Variants in CCSER1 observed in about 807,000 individuals in gnomAD.
The protein encoded by CCSER1 is coiled-coil serine rich protein 1, also known as serine-rich coiled-coil domain-containing protein 1.
In CCSER1, 41 loss-of-function variants were observed where a neutral mutation model predicts 82.0. That is an observed-to-expected ratio of 0.50 (90% CI 0.39 to 0.65). The LOEUF is 0.65. Among genes scored for constraint, CCSER1 ranks in the 30% least tolerant of loss-of-function variants. The probability of loss-of-function intolerance (pLI) is 0.00; values close to 1 mark genes in which losing one functional copy is unlikely to be tolerated. For missense variants in CCSER1, 1,119 were observed against 1,064.2 expected, an observed-to-expected ratio of 1.05 and a Z score of -0.72; for synonymous variants, 414 against 383.9, an observed-to-expected ratio of 1.08 and a Z score of -0.92.
chr4:91,260,905 C>A (rs541639425), intron 10 of CCSER1, among the ~76,000 whole-genome samples: 1 of 152,044 alleles, frequency 6.6e-6, no homozygotes, highest in Non-Finnish European at 1.5e-5. Flanking sequence ...GGACTACAGG[C>A]GCCCGCTACC....
intron 9 of CCSER1, among the ~76,000 whole-genome samples, chr4:90,950,531 CACACACAT>C (rs1444618558): frequency 2.0e-5 from 3 of 149,652 alleles, no homozygotes; most frequent in African/African-American, 4.9e-5. Flanking sequence ...CGCGTGCACA[CACACACAT>C]ACACACACGT....
chr4:90,892,053 T>A (rs932074827), intron 8 of CCSER1, among the ~76,000 whole-genome samples: 5 of 152,104 alleles, frequency 3.3e-5, no homozygotes, highest in Non-Finnish European at 7.4e-5. Context: ...TTTATTAATG[T>A]GCATCATCCA....
At chr4:90,546,413 A>G (rs1347982636) in intron 5 of CCSER1, among the ~76,000 whole-genome samples, 4 of 152,124 alleles carry the variant, frequency 2.6e-5, no homozygotes, top group Non-Finnish European at 5.9e-5. Flanking sequence ...TGTGCAGTTG[A>G]TATTTCATAG....
chr4:90,135,965 A>G (rs1723625992), intron 1 of CCSER1, among the ~76,000 whole-genome samples: 1 of 152,222 alleles, frequency 6.6e-6, no homozygotes. Context: ...ATGTGTGTAC[A>G]AATATATGCA....
chr4:90,618,502 G>A (rs1000279737), intron 5 of CCSER1, among the ~76,000 whole-genome samples: 1 of 151,676 alleles, frequency 6.6e-6, no homozygotes, highest in East Asian at 1.9e-4. Flanking sequence ...TAAAAATTTT[G>A]CATACTAGCT....
chr4:90,710,118 G>C (rs1184182051), intron 6 of CCSER1, among the ~76,000 whole-genome samples: 1 of 151,734 alleles, frequency 6.6e-6, no homozygotes, highest in African/African-American at 2.4e-5. Context: ...TCCTTTGCCT[G>C]CTTTTTAATG....
chr4:90,912,077 A>G (rs1271870342), intron 8 of CCSER1, among the ~76,000 whole-genome samples: 1 of 152,222 alleles, frequency 6.6e-6, no homozygotes, highest in African/African-American at 2.4e-5. Flanking sequence ...AACAAAAGGC[A>G]GCAGAAACCT....
intron 10 of CCSER1, among the ~76,000 whole-genome samples, chr4:91,536,073 G>A (rs1029679721): frequency 6.6e-6 from 1 of 151,956 alleles, no homozygotes; most frequent in East Asian, 1.9e-4. Context: ...TTTTCAGAAG[G>A]ATCACAGTTT....
At chr4:91,266,259 G>T (rs990076820) in intron 10 of CCSER1, among the ~76,000 whole-genome samples, 2 of 147,230 alleles carry the variant, frequency 1.4e-5, no homozygotes, top group South Asian at 2.2e-4. Context: ...GGTTTGTTTT[G>T]TTTTTTTTTT....
Position 90,313,026 on chromosome 4 carries a change from A to G in CCSER1, c.1488A>G (p.Ser496=). ...TAAGAAAGCAAAGAGCAGGTTCTTCATCTTCAAAAATGAACAGTTTGGTAA... is the reference window on the plus strand; with the variant it reads ...TAAGAAAGCAAAGAGCAGGTTCTTCGTCTTCAAAAATGAACAGTTTGGTAA... ...NSLRKQRAGS[S]SSKMNSLDVL... The change falls in exon 3 of 11, where the codon TCA becomes TCG. Residue 496 remains serine (S), a synonymous_variant. Coordinates refer to ENST00000509176, the MANE Select transcript of CCSER1 (RefSeq NM_001145065.2). The G allele has an allele frequency of 6.2e-6, 10 of 1,602,868 alleles. No homozygotes were observed. The highest frequency in any genetic ancestry group is 8.5e-6 in the Non-Finnish European group (10 of 1,173,876).
rs560777733 is a variant in CCSER1 at position 91,187,145 on chromosome 4, T to G, written c.2217+101151T>G. Among the ~76,000 whole-genome samples the G allele has an allele frequency of 1.9e-4, 29 of 152,288 alleles. No homozygotes were observed. In the East Asian group the frequency reaches 5.4e-3, roughly 28 times the overall value. ...TGCCCCACCTTGCTTTGGCTCACACTCTGTGGGCTGCACCCACTGTCTGAC... is the reference window on the plus strand; with the variant it reads ...TGCCCCACCTTGCTTTGGCTCACACGCTGTGGGCTGCACCCACTGTCTGAC... On this transcript the variant is annotated intron_variant, in intron 10 of 10. Coordinates refer to ENST00000509176, the MANE Select transcript of CCSER1 (RefSeq NM_001145065.2).
At chr4:91,379,602 C>T (rs1187561292) in intron 10 of CCSER1, among the ~76,000 whole-genome samples, 1 of 152,046 alleles carries the variant, frequency 6.6e-6, no homozygotes, top group East Asian at 1.9e-4. Context: ...GGTGATATCC[C>T]CTTTATCATT....
At chr4:91,158,527 A>G (rs1731049803) in intron 10 of CCSER1, among the ~76,000 whole-genome samples, 2 of 151,994 alleles carry the variant, frequency 1.3e-5, no homozygotes, top group Admixed American at 1.3e-4. Context: ...TGTATGGCGC[A>G]TAGTATAATT....
intron 6 of CCSER1, among the ~76,000 whole-genome samples, chr4:90,654,011 A>G (rs1340404489): frequency 1.3e-5 from 2 of 152,100 alleles, no homozygotes; most frequent in Non-Finnish European, 2.9e-5. Flanking sequence ...GGGAAGTGCT[A>G]CATACTTTTA....
At chr4:90,626,830 G>T (rs770463997) in intron 5 of CCSER1, among the ~76,000 whole-genome samples, 2 of 152,060 alleles carry the variant, frequency 1.3e-5, no homozygotes, top group Non-Finnish European at 2.9e-5. Context: ...ACTGCCTGAG[G>T]TTCAATAAGA....
chr4:90,603,989 CGAGA>C, intron 5 of CCSER1, among the ~76,000 whole-genome samples: 1 of 149,628 alleles, frequency 6.7e-6, no homozygotes, highest in South Asian at 2.1e-4. Flanking sequence ...TTTGAACCAT[CGAGA>C]AAGAAAGAAG....
At chr4:91,244,086 A>G (rs2149134277) in intron 10 of CCSER1, among the ~76,000 whole-genome samples, 1 of 152,316 alleles carries the variant, frequency 6.6e-6, no homozygotes, top group East Asian at 1.9e-4. Flanking sequence ...AACTGATAGA[A>G]GAGTCCTTGA....
At chr4:91,226,911 G>A (rs1168617616) in intron 10 of CCSER1, among the ~76,000 whole-genome samples, 1 of 151,802 alleles carries the variant, frequency 6.6e-6, no homozygotes, top group African/African-American at 2.4e-5. Context: ...ATATATCACA[G>A]TCTCAGTTGC....
chr4:90,183,083 T>C (rs1195746960), intron 1 of CCSER1, among the ~76,000 whole-genome samples: 5 of 152,148 alleles, frequency 3.3e-5, no homozygotes, highest in Admixed American at 3.3e-4. Flanking sequence ...TTTCTGTAAT[T>C]ATTCTGAAAT....
Sources: allele counts gnomAD v4.1 joint callset (sites outside exome capture counted in the v4.1 genomes callset), GRCh38; gene constraint gnomAD v4.1.1; transcripts MANE v1.5; gene names NCBI Gene and HGNC (gene_info 2026-07-23, HGNC 2026-07-21).